CATSPERE: variants seen among roughly 807,000 people sequenced by gnomAD.
CATSPERE encodes cation channel sperm-associated auxiliary subunit epsilon.
Under a neutral mutation model 114.1 loss-of-function variants are expected in CATSPERE, and 93 were observed. That is an observed-to-expected ratio of 0.81 (90% CI 0.69 to 0.97). The LOEUF is 0.97. CATSPERE is among the 50% of genes least tolerant of loss of function. CATSPERE has a pLI of 0.00. For missense variants in CATSPERE, 1,058 were observed against 1,131.6 expected (o/e 0.93, Z 0.93); for synonymous variants, 341 against 384.1 (o/e 0.89, Z 1.31).
At chr1:244,635,431 G>A (rs1283435668) in intron 20 of CATSPERE, 58 bp from the exon 21 acceptor site, 3 of 1,255,058 alleles carry the variant, frequency 2.4e-6, no homozygotes, top group East Asian at 4.6e-5. Flanking sequence ...GACATGGAGA[G>A]CGTTTTAAAA....
chr1:244,624,440 G>A (rs140265946), intron 20 of CATSPERE, among the ~76,000 whole-genome samples: 1 of 152,122 alleles, frequency 6.6e-6, no homozygotes, highest in Admixed American at 6.6e-5. Context: ...CTGCATTTAT[G>A]TAATATGATA....
At chr1:244,472,898 C>T (rs1243529297) in intron 2 of CATSPERE, among the ~76,000 whole-genome samples, 1 of 129,062 alleles carries the variant, frequency 7.7e-6, no homozygotes, top group East Asian at 3.1e-4. Context: ...TTCAGATTGG[C>T]TTCTTTCACT....
chr1:244,593,730 GCTGGGCCGTGATGGTCC>G (rs959456388), intron 17 of CATSPERE, 152 bp downstream of exon 17: 6 of 681,112 alleles, frequency 8.8e-6, no homozygotes, highest in South Asian at 1.9e-5. Flanking sequence ...GTTATACAAA[GCTGGGCCGTGATGGTCC>G]CTGCATGTTG....
intron 20 of CATSPERE, among the ~76,000 whole-genome samples, chr1:244,624,128 A>AT (rs58744339): frequency 0.11 from 13,583 of 125,876 alleles, 879 homozygotes; most frequent in South Asian, 0.14. Context: ...TGCCCAGCTA[A>AT]TTTTTTTTTT....
At chr1:244,577,641 CTT>C (rs925229965) in intron 11 of CATSPERE, among the ~76,000 whole-genome samples, 2 of 152,188 alleles carry the variant, frequency 1.3e-5, no homozygotes, top group Admixed American at 6.5e-5. Flanking sequence ...TCAGAGGCCT[CTT>C]TTATAAGAGC....
chr1:244,633,628 G>GCA lies in CATSPERE; in HGVS notation c.2649-1847_2649-1846dup, dbSNP rs149777341. ...CATGTGCAGGCATGAGCACACGCAT[G>GCA]CACACACACACACACGCACACAAAA... is the stretch of plus-strand genomic sequence containing the variant. On this transcript the variant is annotated intron_variant, in intron 20 of 21. Transcript: ENST00000366534. This position sits in a 1 kb window ranked among gnomAD's most constrained non-coding sequence, Gnocchi z 4.1. Among the ~76,000 whole-genome samples, 220 of 150,384 alleles carry GCA rather than the reference G, an allele frequency of 1.5e-3. 1 individual carries two copies. The highest frequency in any genetic ancestry group is 5.1e-3 in the African/African-American group (211 of 41,180).
chr1:244,621,256 G>A (rs191290821), intron 20 of CATSPERE, among the ~76,000 whole-genome samples: 549 of 21,526 alleles, frequency 0.026, 127 homozygotes, highest in African/African-American at 0.044. Flanking sequence ...TATTTATATA[G>A]ATATATTTAT....
At chr1:244,521,304 T>C (rs1225428611) in intron 8 of CATSPERE, among the ~76,000 whole-genome samples, 1 of 152,152 alleles carries the variant, frequency 6.6e-6, no homozygotes, top group African/African-American at 2.4e-5. Flanking sequence ...CAGTGAGCTA[T>C]GATCATGCCA....
At position 244,552,799 on chromosome 1, in the gene CATSPERE, C is replaced by A; in HGVS notation, c.1014C>A (p.Val338=). ...TTTCATCAAGAAAATGGTGTTGGGTCAATTATTTATTAAAGGTTAGTAAAA... is the reference window on the plus strand; with the variant it reads ...TTTCATCAAGAAAATGGTGTTGGGTAAATTATTTATTAAAGGTTAGTAAAA... ...TGISSRKWCW[V]NYLLKAKGRR... The change falls in exon 9 of 22, where the codon GTC becomes GTA. Residue 338 remains valine, a synonymous_variant. Coordinates refer to ENST00000366534, the MANE Select transcript of CATSPERE (RefSeq NM_001130957.2). 5.1e-6 allele frequency: 8 copies of A among 1,559,390 alleles called. No homozygotes were observed. The highest frequency in any genetic ancestry group is 2.5e-5 in the South Asian group (2 of 81,150).
intron 15 of CATSPERE, among the ~76,000 whole-genome samples, chr1:244,592,909 G>A (rs1667910927): frequency 6.6e-6 from 1 of 152,208 alleles, no homozygotes; most frequent in Admixed American, 6.5e-5. Flanking sequence ...GGGAATGTGG[G>A]GGAGGTGATT....
chr1:244,499,871 T>G (rs1673749559), intron 7 of CATSPERE, among the ~76,000 whole-genome samples: 2 of 152,172 alleles, frequency 1.3e-5, no homozygotes, highest in East Asian at 3.9e-4. Flanking sequence ...CTAATGGGAT[T>G]GCTGGGTCAA....
intron 6 of CATSPERE, among the ~76,000 whole-genome samples, chr1:244,498,118 C>A (rs565526271): frequency 6.6e-6 from 1 of 152,232 alleles, no homozygotes; most frequent in East Asian, 1.9e-4. Flanking sequence ...GAGAAACAAA[C>A]GTTTATCAGT....
At position 244,607,081 on chromosome 1, in the gene CATSPERE, T is replaced by A. The variant is rs1670108467; in HGVS notation, c.2403+1287T>A. 6.6e-6 allele frequency among the ~76,000 whole-genome samples: 1 copy of A among 152,170 alleles called. No individual in the cohort carries two copies. Among genetic ancestry groups the A allele is most frequent in the African/African-American group, 2.4e-5 (1 of 41,438 alleles). On this transcript the variant is annotated intron_variant, in intron 18 of 21. Coordinates refer to ENST00000366534, the MANE Select transcript of CATSPERE (RefSeq NM_001130957.2). This position sits in a 1 kb window ranked among gnomAD's most constrained non-coding sequence, Gnocchi z 4.4. The stretch of plus-strand genomic sequence containing the variant: ...CCATCACTCTCTTCCTTCTCAAACC[T>A]TTCCATTATGCCTCAAGGTTAAACG...
At chr1:244,550,940 T>A (rs1369703250) in intron 8 of CATSPERE, among the ~76,000 whole-genome samples, 1 of 152,250 alleles carries the variant, frequency 6.6e-6, no homozygotes, top group Non-Finnish European at 1.5e-5. Context: ...TTTGCTTTTA[T>A]AAATTACTCC....
chr1:244,456,906 G>A (rs1405385657), upstream of CATSPERE, among the ~76,000 whole-genome samples: 6 of 152,166 alleles, frequency 3.9e-5, no homozygotes, highest in Admixed American at 3.9e-4. Flanking sequence ...TGGAGAAACA[G>A]TTTTACATAC....
chr1:244,529,559 G>T (rs1679264408), intron 8 of CATSPERE, among the ~76,000 whole-genome samples: 1 of 151,840 alleles, frequency 6.6e-6, no homozygotes, highest in Non-Finnish European at 1.5e-5. Context: ...ATATATTCTG[G>T]TTATTAATCC....
upstream of CATSPERE, among the ~76,000 whole-genome samples, chr1:244,453,696 G>GC (rs984883263): frequency 7.2e-5 from 11 of 152,298 alleles, no homozygotes; most frequent in East Asian, 1.4e-3. Context: ...TGGAGAAATA[G>GC]CCCCGGGGAG....
intron 13 of CATSPERE, among the ~76,000 whole-genome samples, chr1:244,585,738 A>G: frequency 6.6e-6 from 1 of 152,226 alleles, no homozygotes; most frequent in Non-Finnish European, 1.5e-5. Flanking sequence ...GGACTGCACT[A>G]TTTGAATAGG....
chr1:244,453,180 A>G (rs1443936623), upstream of CATSPERE, among the ~76,000 whole-genome samples: 3 of 152,232 alleles, frequency 2.0e-5, no homozygotes, highest in Non-Finnish European at 2.9e-5. Context: ...CAATTATAAT[A>G]CTATGTGATA....
Sources: allele counts gnomAD v4.1 joint callset (sites outside exome capture counted in the v4.1 genomes callset), GRCh38; gene constraint gnomAD v4.1.1; non-coding constraint Gnocchi (gnomAD v3.1); transcripts MANE v1.5; gene names NCBI Gene and HGNC (gene_info 2026-07-23, HGNC 2026-07-21).